CBL: variants seen among roughly 807,000 people sequenced by gnomAD.
The protein encoded by CBL is Cbl proto-oncogene, also known as E3 ubiquitin-protein ligase CBL.
A neutral mutation model predicts 96.9 loss-of-function variants in CBL; 45 were observed. The ratio of observed to expected loss-of-function variants is 0.46; its 90% CI spans 0.37 to 0.60. CBL has a LOEUF of 0.60. Among genes scored for constraint, CBL ranks in the 20% least tolerant of loss-of-function variants. The probability of loss-of-function intolerance (pLI) is 0.00; values close to 1 mark genes in which losing one functional copy is unlikely to be tolerated. For missense variants in CBL, 1,024 were observed against 1,143.5 expected (o/e 0.90, Z 1.51); for synonymous variants, 420 against 426.8 (o/e 0.98, Z 0.20).
At chr11:119,273,085 A>G (rs1453320575) in intron 3 of CBL, among the ~76,000 whole-genome samples, 2 of 151,854 alleles carry the variant, frequency 1.3e-5, no homozygotes, top group East Asian at 3.9e-4. Flanking sequence ...GGATTCAAGC[A>G]GTTCTCCCAA....
chr11:119,206,414 G>T lies in CBL; in HGVS notation c.-4G>T. On this transcript the variant is annotated 5_prime_UTR_variant, in exon 1 of 16. It adds an upstream start codon to the 5' untranslated region. Transcript: ENST00000264033. Reference sequence around the variant, plus strand: ...CCCGCCTGGGCTCCGACCCTGCCCAGGCCATGGCCGGCAACGTGAAGAAGA... The same window carrying T: ...CCCGCCTGGGCTCCGACCCTGCCCATGCCATGGCCGGCAACGTGAAGAAGA... The T allele has an allele frequency of 6.4e-7, 1 of 1,557,006 alleles. No individual in the cohort carries two copies. The highest frequency in any genetic ancestry group is 8.6e-7 in the Non-Finnish European group (1 of 1,156,698).
intron 2 of CBL, among the ~76,000 whole-genome samples, chr11:119,238,223 A>AT (rs1462334985): frequency 0.021 from 2,640 of 128,296 alleles, 41 homozygotes; most frequent in Admixed American, 0.045. Flanking sequence ...CCCAAATACA[A>AT]TTTTTTTTTT....
At position 119,277,239 on chromosome 11, in the gene CBL, G is replaced by A. The variant is rs867059864; in HGVS notation, c.1008-518G>A. Reference sequence around the variant, plus strand: ...CTCAAAAAAAAAATAAGAATCTGTCGCGCACACACACACACACACACACAC... The same window carrying A: ...CTCAAAAAAAAAATAAGAATCTGTCACGCACACACACACACACACACACAC... On this transcript the variant is annotated intron_variant, in intron 6 of 15. Transcript: ENST00000264033. Among the ~76,000 whole-genome samples the A allele has an allele frequency of 7.1e-3, 988 of 138,336 alleles. 16 individuals are homozygous for A. Among genetic ancestry groups the A allele is most frequent in the African/African-American group, 0.027 (920 of 33,758 alleles). 90.8% of individuals were successfully genotyped at this position (138,336 alleles called of 152,430 possible).
chr11:119,217,683 G>A (rs1949373495), intron 1 of CBL, among the ~76,000 whole-genome samples: 1 of 151,996 alleles, frequency 6.6e-6, no homozygotes, highest in Non-Finnish European at 1.5e-5. Flanking sequence ...GATAAGCTTG[G>A]CGGATTTTTT....
chr11:119,236,514 A>G (rs1270205372), intron 2 of CBL, among the ~76,000 whole-genome samples: 1 of 151,308 alleles, frequency 6.6e-6, no homozygotes, highest in Non-Finnish European at 1.5e-5. Flanking sequence ...CTACTGAATA[A>G]TGTTGCTATG....
chr11:119,285,647 G>C, intron 11 of CBL, 81 bp downstream of exon 11: 1 of 1,518,268 alleles, frequency 6.6e-7, no homozygotes, highest in East Asian at 2.3e-5. Flanking sequence ...TGTAATCCCA[G>C]CAATTTGGGA....
chr11:119,252,240 A>T (rs1483780123), intron 2 of CBL, among the ~76,000 whole-genome samples: 4 of 151,990 alleles, frequency 2.6e-5, no homozygotes, highest in Admixed American at 6.6e-5. Context: ...TCTAGTGTCT[A>T]ATATATCTAG....
intron 6 of CBL, among the ~76,000 whole-genome samples, chr11:119,276,903 T>A (rs766334004): frequency 2.0e-5 from 3 of 152,210 alleles, no homozygotes; most frequent in Non-Finnish European, 4.4e-5. Context: ...GTGTCTCTCA[T>A]TTTCTTAAAC....
chr11:119,278,182 A>C lies in CBL; in HGVS notation c.1112A>C (p.Tyr371Ser), dbSNP rs387906666. The change falls in exon 8 of 16, where the codon TAC (tyrosine) becomes TCC (serine). Residue 371 changes from tyrosine (Y) to serine (S), a missense_variant. This residue lies in a region of CBL where 695 missense variants were observed against 661.6 expected (regional missense o/e 1.05). Coordinates refer to ENST00000264033, the MANE Select transcript of CBL (RefSeq NM_005188.4). ...IKVTQEQYEL[Y>S]CEMGSTFQLC... ...TAATCAAAGGAACAATATGAATTATACTGTGAGATGGGCTCCACATTCCAA... is the reference window on the plus strand; with the variant it reads ...TAATCAAAGGAACAATATGAATTATCCTGTGAGATGGGCTCCACATTCCAA... 1 of 1,602,610 alleles carries C rather than the reference A, an allele frequency of 6.2e-7. No homozygotes were observed.
chr11:119,247,134 A>G (rs1415656469), intron 2 of CBL, among the ~76,000 whole-genome samples: 1 of 152,212 alleles, frequency 6.6e-6, no homozygotes, highest in East Asian at 1.9e-4. Context: ...TCTGCCAGTT[A>G]TGCAAGTCTG....
Position 119,303,708 on chromosome 11 carries a change from G to A in CBL, c.*3927G>A, listed in dbSNP as rs970587770. ...ACCGACTGTTTTTATGTTGGAATTT[G>A]TTCCAACATAATTAGAATCTGTTTG... On this transcript the variant is annotated 3_prime_UTR_variant, in exon 16 of 16. Transcript: ENST00000264033. 10 of 233,568 alleles carry A rather than the reference G, an allele frequency of 4.3e-5. 1 individual carries two copies. The highest frequency in any genetic ancestry group is 3.9e-4 in the Admixed American group (7 of 17,778). 14.5% of individuals were successfully genotyped at this position (233,568 alleles called of 1,614,324 possible).
intron 2 of CBL, among the ~76,000 whole-genome samples, chr11:119,254,273 AAAAG>A (rs1193949488): frequency 3.9e-5 from 6 of 152,354 alleles, no homozygotes; most frequent in Admixed American, 2.0e-4. Context: ...CAATATTTAA[AAAAG>A]AAATGTCACA....
intron 12 of CBL, among the ~76,000 whole-genome samples, chr11:119,289,855 G>A (rs1353195320): frequency 1.3e-5 from 2 of 152,048 alleles, no homozygotes; most frequent in Non-Finnish European, 2.9e-5. Flanking sequence ...AGATCCTCCC[G>A]CCTCAGTCTC....
intron 2 of CBL, among the ~76,000 whole-genome samples, chr11:119,263,647 G>A (rs939678726): frequency 2.0e-5 from 3 of 151,500 alleles, no homozygotes; most frequent in African/African-American, 4.9e-5. Context: ...GATGGTTTTC[G>A]TTTTGTTTTG....
In CBL at chr11:119,300,346, GTGC is replaced by G; in HGVS notation, c.*566_*568del. 1 of 394,716 alleles carries G rather than the reference GTGC, an allele frequency of 2.5e-6. No individual in the cohort carries two copies. Among genetic ancestry groups the G allele is most frequent in the Admixed American group, 4.2e-5 (1 of 23,864 alleles). The allele number at this position is 394,716 out of a possible 1,614,324, so 24.5% of individuals were successfully genotyped here. Reference sequence around the variant, plus strand: ...ACTCCCCTTTGGCTTATATTACCATGTGCATAGCTAAAGTCTTCTATTTTTAGA... The same window carrying G: ...ACTCCCCTTTGGCTTATATTACCATGATAGCTAAAGTCTTCTATTTTTAGA... On this transcript the variant is annotated 3_prime_UTR_variant, in exon 16 of 16. Transcript: ENST00000264033.
At position 119,305,863 on chromosome 11, in the gene CBL, T is replaced by TA; in HGVS notation, c.*6086dup. On this transcript the variant is annotated 3_prime_UTR_variant, in exon 16 of 16. Coordinates refer to ENST00000264033, the MANE Select transcript of CBL (RefSeq NM_005188.4). Reference sequence around the variant, plus strand: ...GTAAGGTATTTCATACTGCCTTACTTAAAAGTTTTTTAAACTACTAGAGTC... The same window carrying TA: ...GTAAGGTATTTCATACTGCCTTACTTAAAAAGTTTTTTAAACTACTAGAGTC... 4.2e-6 allele frequency: 1 copy of TA among 238,098 alleles called. No individual in the cohort carries two copies. Among genetic ancestry groups the TA allele is most frequent in the Non-Finnish European group, 8.2e-6 (1 of 121,504 alleles). The allele number at this position is 238,098 out of a possible 1,614,324, so 14.7% of individuals were successfully genotyped here. A position where few individuals can be genotyped will look rare whatever the true frequency, so the allele number is the denominator to read the frequency against.
At chr11:119,208,344 T>TCTGCTTAA (rs1949290401) in intron 1 of CBL, among the ~76,000 whole-genome samples, 1 of 152,116 alleles carries the variant, frequency 6.6e-6, no homozygotes, top group Admixed American at 6.6e-5. Context: ...ATTAGTGGCC[T>TCTGCTTAA]CTGCTTAAGA....
intron 2 of CBL, among the ~76,000 whole-genome samples, chr11:119,259,196 G>T (rs914658016): frequency 2.0e-5 from 3 of 151,728 alleles, no homozygotes; most frequent in Admixed American, 6.6e-5. Context: ...AGTCTTCGGG[G>T]TTTTTTTTAG....
Position 119,304,288 on chromosome 11 carries a change from G to A in CBL, c.*4507G>A, listed in dbSNP as rs186641992. The stretch of plus-strand genomic sequence containing the variant: ...GTGTTTTGTTGGAAATACATAGAAC[G>A]GCTTAATGCCTAGAGGGTGGTGGAT... On this transcript the variant is annotated 3_prime_UTR_variant, in exon 16 of 16. Transcript: ENST00000264033. 2 of 233,278 alleles carry A rather than the reference G, an allele frequency of 8.6e-6. No individual in the cohort carries two copies. The highest frequency in any genetic ancestry group is 1.2e-4 in the East Asian group (2 of 16,594). The allele number at this position is 233,278 out of a possible 1,614,324, so 14.5% of individuals were successfully genotyped here.
Sources: allele counts gnomAD v4.1 joint callset (sites outside exome capture counted in the v4.1 genomes callset), GRCh38; gene constraint gnomAD v4.1.1; regional missense constraint gnomAD v4.1.1; transcripts MANE v1.5; gene names NCBI Gene and HGNC (gene_info 2026-07-23, HGNC 2026-07-21).